The following IP6K2 variants were observed in gnomAD, a reference collection of about 807,000 sequenced individuals.
The protein encoded by IP6K2 is ATP:1D-myo-inositol-hexakisphosphate phosphotransferase.
In IP6K2, 9 loss-of-function variants were observed where a neutral mutation model predicts 43.3. The observed-to-expected ratio is 0.21, with a 90% CI of 0.13 to 0.36. The LOEUF (loss-of-function observed/expected upper bound fraction) is 0.36. Ranked by LOEUF, IP6K2 falls within the 10% of genes least tolerant of loss-of-function variation. The pLI is 1.00. For missense variants in IP6K2, 332 were observed against 538.4 expected, an observed-to-expected ratio of 0.62 and a Z score of 3.79; for synonymous variants, 209 against 202.4, an observed-to-expected ratio of 1.03 and a Z score of -0.28.
At position 48,697,021 on chromosome 3, in the gene IP6K2, C is replaced by CTT. The variant is rs1174990891; in HGVS notation, c.-130-1602_-130-1601dup. The stretch of plus-strand genomic sequence containing the variant: ...CTGGCACTGCCCAGCTGAATTTTTA[C>CTT]TTTTTTTTTTTTTTTTGGAGATGGA... On this transcript the variant is annotated intron_variant, in intron 1 of 5. Transcript: ENST00000328631. Among the ~76,000 whole-genome samples the CTT allele has an allele frequency of 3.3e-4, 47 of 143,902 alleles. 1 individual carries two copies. The highest frequency in any genetic ancestry group is 8.6e-4 in the African/African-American group (34 of 39,484). 94.4% of individuals were successfully genotyped at this position (143,902 alleles called of 152,430 possible).
At chr3:48,708,136 T>G (rs1383473268) in intron 1 of IP6K2, 1 of 151,810 alleles carries the variant, frequency 6.6e-6, no homozygotes, top group Non-Finnish European at 1.5e-5. Flanking sequence ...TCCCAGCTAC[T>G]TGGGAGGCTG....
At position 48,689,726 on chromosome 3, in the gene IP6K2, G is replaced by T. The variant is rs748827774; in HGVS notation, c.605-13C>A. 1 of 1,611,524 alleles carries T rather than the reference G, an allele frequency of 6.2e-7. No individual in the cohort carries two copies. Among genetic ancestry groups the T allele is most frequent in the Non-Finnish European group, 8.5e-7 (1 of 1,177,848 alleles). Reference sequence around the variant, plus strand: ...AGTAAGATAAATTCTGAGTAGTTAAGAATAATACCCCCAAAAGGAAGTGCT... The same window carrying T: ...AGTAAGATAAATTCTGAGTAGTTAATAATAATACCCCCAAAAGGAAGTGCT... On this transcript the variant is annotated splice_polypyrimidine_tract_variant and intron_variant, in intron 4 of 5. Coordinates refer to ENST00000328631, the MANE Select transcript of IP6K2 (RefSeq NM_016291.4).
Position 48,694,442 on chromosome 3 carries a change from C to T in IP6K2, c.202+648G>A, listed in dbSNP as rs540170230. ...GGTAATGCACATTTAAAATTAATTT[C>T]TTTAATGGATTCTTACTTGATTTAC... is the stretch of plus-strand genomic sequence containing the variant. On this transcript the variant is annotated intron_variant, in intron 2 of 5. Transcript: ENST00000328631. The T allele has an allele frequency of 2.1e-5, 33 of 1,548,736 alleles. No individual in the cohort carries two copies. In the African/African-American group the frequency reaches 4.1e-4, roughly 19 times the overall value.
chr3:48,716,805 A>G (rs1217273994), intron 1 of IP6K2, among the ~76,000 whole-genome samples: 1 of 152,070 alleles, frequency 6.6e-6, no homozygotes, highest in Non-Finnish European at 1.5e-5. Context: ...AGACCCCTCA[A>G]TGACACCGTA....
intron 1 of IP6K2, among the ~76,000 whole-genome samples, chr3:48,712,984 A>C (rs1399177230): frequency 1.3e-5 from 2 of 151,902 alleles, no homozygotes; most frequent in Non-Finnish European, 2.9e-5. Context: ...CTGCACTCCA[A>C]CCTGGGCAAC....
chr3:48,691,804 AAAT>A (rs893729666), intron 3 of IP6K2, among the ~76,000 whole-genome samples: 25 of 88,374 alleles, frequency 2.8e-4, no homozygotes, highest in Non-Finnish European at 2.3e-4. Context: ...AAGACTCAAA[AAAT>A]AAATAAATAA....
In IP6K2 at chr3:48,697,836, G is replaced by A. The variant is rs541037326; in HGVS notation, c.-130-2415C>T. On this transcript the variant is annotated intron_variant, in intron 1 of 5. Coordinates refer to ENST00000328631, the MANE Select transcript of IP6K2 (RefSeq NM_016291.4). ...TAGGACTACAGGTGCATGCCACCAC[G>A]CCTAACTAATATTTTCTATTTATAA... Among the ~76,000 whole-genome samples the A allele has an allele frequency of 1.6e-4, 25 of 152,056 alleles. No individual in the cohort carries two copies. The East Asian group carries it at 2.5e-3, about 15-fold the overall frequency.
intron 1 of IP6K2, among the ~76,000 whole-genome samples, chr3:48,698,637 A>AT (rs1322281389): frequency 6.6e-6 from 1 of 151,926 alleles, no homozygotes; most frequent in Non-Finnish European, 1.5e-5. Flanking sequence ...CGCCTGGCTA[A>AT]TTTTTTTGTA....
intron 1 of IP6K2, among the ~76,000 whole-genome samples, chr3:48,715,146 G>A (rs1466451409): frequency 6.6e-6 from 1 of 152,070 alleles, no homozygotes; most frequent in African/African-American, 2.4e-5. Flanking sequence ...ACAAAAACAT[G>A]CTTTAAAATG....
rs544626418 is a variant in IP6K2 at position 48,695,775 on chromosome 3, A to G, written c.-130-354T>C. ...TTGGATTAAATCTTACCATTTTCTA[A>G]TAAGAGTGTCAAGCTTTAAGTGGAT... is the stretch of plus-strand genomic sequence containing the variant. On this transcript the variant is annotated intron_variant, in intron 1 of 5. Transcript: ENST00000328631. This position sits in a 1 kb window ranked among gnomAD's most constrained non-coding sequence, Gnocchi z 4.6. 3.3e-5 allele frequency among the ~76,000 whole-genome samples: 5 copies of G among 151,180 alleles called. No homozygotes were observed. The East Asian group carries it at 9.7e-4, about 29-fold the overall frequency.
intron 1 of IP6K2, among the ~76,000 whole-genome samples, chr3:48,711,072 C>G (rs1575760300): frequency 1.3e-5 from 2 of 152,080 alleles, no homozygotes; most frequent in African/African-American, 4.8e-5. Flanking sequence ...CCATGTCGAG[C>G]TAATTTTTTG....
At chr3:48,715,403 T>G (rs1034667846) in intron 1 of IP6K2, 2 of 1,536,258 alleles carry the variant, frequency 1.3e-6, no homozygotes, top group East Asian at 4.9e-5. Flanking sequence ...GGCTCTGGCA[T>G]CCCTCTTGGA....
intron 1 of IP6K2, among the ~76,000 whole-genome samples, chr3:48,712,433 A>G (rs2080656131): frequency 6.6e-6 from 1 of 151,430 alleles, no homozygotes; most frequent in Non-Finnish European, 1.5e-5. Flanking sequence ...TTTTTAGTAG[A>G]GACAGGGTTT....
intron 1 of IP6K2, among the ~76,000 whole-genome samples, chr3:48,704,204 G>C (rs2079415413): frequency 6.6e-6 from 1 of 152,212 alleles, no homozygotes. Context: ...AGGATGTCTT[G>C]TGGGGAACAC....
rs1028653500 is a variant in IP6K2 at position 48,695,600 on chromosome 3, G to A, written c.-130-179C>T. The A allele has an allele frequency of 1.3e-6, 1 of 741,872 alleles. No individual in the cohort carries two copies. Among genetic ancestry groups the A allele is most frequent in the South Asian group, 6.1e-5 (1 of 16,428 alleles). The allele number at this position is 741,872 out of a possible 1,614,324, so 46.0% of individuals were successfully genotyped here. A position where few individuals can be genotyped will look rare whatever the true frequency, so the allele number is the denominator to read the frequency against. ...TCCGGCAGAAAAACAAAAACACTAT[G>A]AGCTCATGGGGCGGGGTTAGATGCA... On this transcript the variant is annotated intron_variant, in intron 1 of 5. Coordinates refer to ENST00000328631, the MANE Select transcript of IP6K2 (RefSeq NM_016291.4). The surrounding 1 kb of genome is among the most constrained non-coding windows in gnomAD (Gnocchi z 4.6).
intron 1 of IP6K2, among the ~76,000 whole-genome samples, chr3:48,708,929 G>T (rs945634281): frequency 5.3e-5 from 8 of 152,202 alleles, no homozygotes; most frequent in African/African-American, 1.9e-4. Context: ...CCAGCCAGGT[G>T]TGGTGGTACA....
At chr3:48,692,423 C>T (rs565253701) in intron 3 of IP6K2, among the ~76,000 whole-genome samples, 1 of 152,346 alleles carries the variant, frequency 6.6e-6, no homozygotes. Flanking sequence ...AACCAGGTTC[C>T]CCTGACTCCA....
intron 3 of IP6K2, among the ~76,000 whole-genome samples, chr3:48,691,803 AAAATAAATAAATAAAT>A (rs34837885): frequency 2.0e-5 from 3 of 150,404 alleles, no homozygotes; most frequent in South Asian, 2.1e-4. Context: ...AAAGACTCAA[AAAATAAATAAATAAAT>A]AAATAAATAA....
At chr3:48,704,559 C>A (rs1259569128) in intron 1 of IP6K2, among the ~76,000 whole-genome samples, 1 of 151,902 alleles carries the variant, frequency 6.6e-6, no homozygotes, top group Non-Finnish European at 1.5e-5. Flanking sequence ...GCCTTGTCCA[C>A]CCAGGCTCAA....
Sources: allele counts gnomAD v4.1 joint callset (sites outside exome capture counted in the v4.1 genomes callset), GRCh38; gene constraint gnomAD v4.1.1; non-coding constraint Gnocchi (gnomAD v3.1); transcripts MANE v1.5; gene names NCBI Gene and HGNC (gene_info 2026-07-23, HGNC 2026-07-21).